The following TMEM181 variants were observed in gnomAD, a reference collection of about 807,000 sequenced individuals.
The protein encoded by TMEM181 is G protein-coupled receptor 178.
A neutral mutation model predicts 71.9 loss-of-function variants in TMEM181; 39 were observed. That is an observed-to-expected ratio of 0.54 (90% CI 0.42 to 0.71). The LOEUF (loss-of-function observed/expected upper bound fraction) is 0.71. Among genes scored for constraint, TMEM181 ranks in the 30% least tolerant of loss-of-function variants. TMEM181 has a pLI of 0.00. For synonymous variants in TMEM181, 245 were observed against 228.8 expected (o/e 1.07, Z -0.64); for missense variants, 595 against 583.0 (o/e 1.02, Z -0.21).
intron 13 of TMEM181, chr6:158,628,180 G>A (rs1010551417): frequency 1.0e-4 from 70 of 679,486 alleles, no homozygotes; most frequent in Non-Finnish European, 4.9e-5. Context: ...GCAGCCGGCC[G>A]GTGGGTCTAG....
chr6:158,601,158 T>C (rs575126436), intron 6 of TMEM181, among the ~76,000 whole-genome samples: 1 of 152,352 alleles, frequency 6.6e-6, no homozygotes, highest in Admixed American at 6.5e-5. Flanking sequence ...ATAATAGTTA[T>C]GTGATGTTTT....
chr6:158,625,006 C>T, intron 11 of TMEM181, 98 bp from the exon 12 acceptor site: 1 of 937,950 alleles, frequency 1.1e-6, no homozygotes, highest in Non-Finnish European at 1.8e-6. Flanking sequence ...GTTGAAGTCC[C>T]TTCTAAAAAC....
At chr6:158,582,647 C>G (rs1233581441) in intron 3 of TMEM181, among the ~76,000 whole-genome samples, 1 of 151,806 alleles carries the variant, frequency 6.6e-6, no homozygotes, top group East Asian at 1.9e-4. Context: ...CCCTGGGTGA[C>G]AGAGCACGAC....
intron 1 of TMEM181, among the ~76,000 whole-genome samples, chr6:158,560,788 T>C (rs1273569467): frequency 6.6e-6 from 1 of 150,500 alleles, no homozygotes; most frequent in Non-Finnish European, 1.5e-5. Flanking sequence ...ATGAGTTTTA[T>C]GCGTTTTACG....
intron 6 of TMEM181, 49 bp downstream of exon 6, chr6:158,589,831 C>T (rs756340653): frequency 3.1e-6 from 4 of 1,294,812 alleles, no homozygotes; most frequent in Non-Finnish European, 1.1e-6. Flanking sequence ...GTTCTAGTTC[C>T]CATTCTTTGT....
intron 13 of TMEM181, chr6:158,626,368 T>G: frequency 2.2e-6 from 1 of 456,634 alleles, no homozygotes; most frequent in Non-Finnish European, 4.4e-6. Flanking sequence ...TTATGGTTTG[T>G]CTGTTTCTCC....
intron 10 of TMEM181, among the ~76,000 whole-genome samples, chr6:158,623,013 C>A (rs930651440): frequency 6.6e-6 from 1 of 152,206 alleles, no homozygotes; most frequent in African/African-American, 2.4e-5. Context: ...AGGACTTTCA[C>A]GGAGTAGCTC....
At chr6:158,593,733 T>C (rs1784237704) in intron 6 of TMEM181, among the ~76,000 whole-genome samples, 1 of 152,254 alleles carries the variant, frequency 6.6e-6, no homozygotes, top group Non-Finnish European at 1.5e-5. Flanking sequence ...TATAATTCTT[T>C]TTTTTCCCAC....
At chr6:158,622,622 C>T (rs928245139) in intron 10 of TMEM181, among the ~76,000 whole-genome samples, 2 of 152,288 alleles carry the variant, frequency 1.3e-5, no homozygotes, top group African/African-American at 2.4e-5. Flanking sequence ...TCCCATTTAA[C>T]GTTTTCTGAC....
chr6:158,564,272 C>T (rs1027785379), intron 1 of TMEM181, among the ~76,000 whole-genome samples: 9 of 152,286 alleles, frequency 5.9e-5, no homozygotes, highest in African/African-American at 2.2e-4. Flanking sequence ...CTTTCTGCCC[C>T]GACCTCCACA....
At chr6:158,554,063 C>T (rs569996797) in intron 1 of TMEM181, among the ~76,000 whole-genome samples, 95 of 152,086 alleles carry the variant, frequency 6.2e-4, no homozygotes, top group Non-Finnish European at 8.8e-4. Flanking sequence ...CCAGCCACCA[C>T]GCCTGGCTAA....
In TMEM181 at chr6:158,635,269, T is replaced by C. The variant is rs956975084; in HGVS notation, c.*3381T>C. Reference sequence around the variant, plus strand: ...GCCCAAAAGGAGAGATAGAGCCATGTGTTCAGTTGTGGACCTGTCCGTGGG... The same window carrying C: ...GCCCAAAAGGAGAGATAGAGCCATGCGTTCAGTTGTGGACCTGTCCGTGGG... On this transcript the variant is annotated 3_prime_UTR_variant, in exon 17 of 17. Transcript: ENST00000684151. 8.5e-5 allele frequency: 13 copies of C among 152,264 alleles called. No individual in the cohort carries two copies. The highest frequency in any genetic ancestry group is 1.6e-4 in the Non-Finnish European group (11 of 68,050). 9.4% of individuals were successfully genotyped at this position (152,264 alleles called of 1,614,324 possible).
At chr6:158,549,693 A>G (rs1781656960) in intron 1 of TMEM181, among the ~76,000 whole-genome samples, 1 of 152,238 alleles carries the variant, frequency 6.6e-6, no homozygotes, top group African/African-American at 2.4e-5. Flanking sequence ...AGGAAAAATG[A>G]AGAGGATTAC....
intron 7 of TMEM181, 31 bp downstream of exon 7, chr6:158,605,378 A>C (rs1784899250): frequency 6.2e-7 from 1 of 1,600,906 alleles, no homozygotes; most frequent in African/African-American, 1.3e-5. Context: ...GGACCGCAGC[A>C]GATCCCAGCC....
chr6:158,618,730 T>G (rs189946891), intron 10 of TMEM181, among the ~76,000 whole-genome samples: 2 of 152,326 alleles, frequency 1.3e-5, no homozygotes, highest in Admixed American at 1.3e-4. Context: ...GTAAAGGATT[T>G]TATTTCTCCT....
At chr6:158,605,998 C>T (rs1037950333) in intron 7 of TMEM181, among the ~76,000 whole-genome samples, 2 of 152,144 alleles carry the variant, frequency 1.3e-5, no homozygotes, top group Admixed American at 6.5e-5. Flanking sequence ...TGTCCTTGTG[C>T]GGGATGGTGG....
At chr6:158,554,363 G>A (rs1483519568) in intron 1 of TMEM181, among the ~76,000 whole-genome samples, 1 of 152,194 alleles carries the variant, frequency 6.6e-6, no homozygotes, top group Non-Finnish European at 1.5e-5. Context: ...TGGGATTACA[G>A]GCGTGAGCCA....
intron 10 of TMEM181, among the ~76,000 whole-genome samples, chr6:158,622,004 C>T (rs758418054): frequency 3.3e-5 from 5 of 152,194 alleles, no homozygotes; most frequent in Admixed American, 6.5e-5. Flanking sequence ...GAGCCAGCCG[C>T]ACCCCTGAAG....
At position 158,625,096 on chromosome 6, in the gene TMEM181, C is replaced by T. The variant is rs201607535; in HGVS notation, c.955-8C>T. The T allele has an allele frequency of 7.4e-6, 12 of 1,610,764 alleles. No individual in the cohort carries two copies. In the East Asian group the frequency reaches 2.5e-4, roughly 33 times the overall value. On this transcript the variant is annotated splice_region_variant and splice_polypyrimidine_tract_variant and intron_variant, in intron 11 of 16. Coordinates refer to ENST00000684151, the MANE Select transcript of TMEM181 (RefSeq NM_001376852.1). ...TTCCGACTCAAGTGCTGCCTTGTGT[C>T]CTCCTAGGGAATGAAGGTCTTCTTC...
Sources: gnomAD v4.1 joint callset for allele counts (sites outside exome capture counted in the v4.1 genomes callset) on GRCh38, gnomAD v4.1.1 for gene constraint, MANE v1.5 for transcripts, NCBI Gene and HGNC (gene_info 2026-07-23, HGNC 2026-07-21) for gene names.